Variants in RNF145 observed in about 807,000 individuals in gnomAD.
RNF145 encodes ring finger protein 145.
RNF145 carries 12 observed loss-of-function variants against 57.3 expected under a neutral mutation model. The ratio of observed to expected loss-of-function variants is 0.21; its 90% CI spans 0.13 to 0.34. RNF145 has a LOEUF of 0.34. Among genes scored for constraint, RNF145 ranks in the 10% least tolerant of loss-of-function variants. The pLI is 1.00. For synonymous variants in RNF145, 262 were observed against 288.3 expected (o/e 0.91, Z 0.92); for missense variants, 429 against 799.0 (o/e 0.54, Z 5.58).
chr5:159,170,125 G>A (rs756164289), intron 6 of RNF145, among the ~76,000 whole-genome samples: 3 of 152,246 alleles, frequency 2.0e-5, no homozygotes, highest in South Asian at 2.1e-4. Flanking sequence ...TATATAATTA[G>A]CATGCTGACA....
chr5:159,164,042 C>T (rs1012144700), intron 8 of RNF145, among the ~76,000 whole-genome samples: 1 of 152,164 alleles, frequency 6.6e-6, no homozygotes, highest in East Asian at 1.9e-4. Context: ...CAAAGAGACA[C>T]AAATAACATA....
rs527534427 is a variant in RNF145, at chr5:159,181,658, T to C, written c.385+302A>G. The stretch of plus-strand genomic sequence containing the variant: ...ATTTAAGATACTACGTGTTTCATTT[T>C]AATCTTTCAAAGTAATAATTAGCTC... On this transcript the variant is annotated intron_variant, in intron 4 of 10. Transcript: ENST00000424310. Among the ~76,000 whole-genome samples the C allele has an allele frequency of 5.2e-4, 79 of 152,240 alleles. 1 individual carries two copies. In the South Asian group the frequency reaches 0.011, roughly 21 times the overall value.
intron 1 of RNF145, among the ~76,000 whole-genome samples, chr5:159,208,560 G>T (rs1785985388): frequency 6.6e-6 from 1 of 152,264 alleles, no homozygotes; most frequent in Admixed American, 6.5e-5. Flanking sequence ...CTGACGGACG[G>T]GATGCAGAGC....
chr5:159,158,704 G>A lies in RNF145; in HGVS notation c.1958C>T (p.Ala653Val), dbSNP rs761123820. Residue 653 changes from alanine to valine, a missense_variant, in exon 11 of 11, where the codon GCG becomes GTG. By Grantham distance (64) the Ala-to-Val change is moderately conservative (BLOSUM62 0). Transcript: ENST00000424310. ...AFDPKEYPHS[A>V]KDEAHPVESA ...TTCAACAGGATGTGCTTCATCTTTC[G>A]CACTGTGAGGATATTCTTTGGGGTC... 6.4e-5 allele frequency: 104 copies of A among 1,613,732 alleles called. No individual in the cohort carries two copies. In the South Asian group the frequency reaches 9.0e-4, roughly 14 times the overall value.
intron 1 of RNF145, among the ~76,000 whole-genome samples, chr5:159,207,035 T>C (rs1785912939): frequency 6.6e-6 from 1 of 151,748 alleles, no homozygotes; most frequent in Non-Finnish European, 1.5e-5. Context: ...GAGACCTCAA[T>C]GAGTTCATTA....
rs1487299243 is a variant in RNF145 at position 159,209,537 on chromosome 5, C to A, written c.-346G>T. 8.6e-6 allele frequency: 7 copies of A among 810,212 alleles called. No individual in the cohort carries two copies. Among genetic ancestry groups the A allele is most frequent in the Admixed American group, 7.4e-5 (1 of 13,454 alleles). The allele number at this position is 810,212 out of a possible 1,614,324, so 50.2% of individuals were successfully genotyped here. On this transcript the variant is annotated 5_prime_UTR_variant, in exon 1 of 11. Transcript: ENST00000424310. ...CATGGCCTCCTGCGTTTGCTCCTCC[C>A]GCCCCCGGCGCTCTGCGGCGGCCGC... is the stretch of plus-strand genomic sequence containing the variant.
chr5:159,166,852 T>G (rs370552306), intron 8 of RNF145, among the ~76,000 whole-genome samples: 2 of 152,272 alleles, frequency 1.3e-5, no homozygotes, highest in East Asian at 3.9e-4. Flanking sequence ...CTGCCAAGTG[T>G]GGTGGTGTGC....
intron 10 of RNF145, among the ~76,000 whole-genome samples, chr5:159,160,925 G>A (rs1784194339): frequency 6.6e-6 from 1 of 152,136 alleles, no homozygotes; most frequent in Non-Finnish European, 1.5e-5. Flanking sequence ...CACTTTTCAG[G>A]AGTTGCTGAC....
chr5:159,171,295 C>G (rs1784546759), intron 6 of RNF145, among the ~76,000 whole-genome samples: 1 of 152,028 alleles, frequency 6.6e-6, no homozygotes, highest in Admixed American at 6.5e-5. Flanking sequence ...TGGCTGAAAA[C>G]CAACTAAAAT....
intron 3 of RNF145, among the ~76,000 whole-genome samples, chr5:159,191,101 A>C (rs970246312): frequency 3.8e-4 from 58 of 152,060 alleles, no homozygotes; most frequent in Non-Finnish European, 6.5e-4. Context: ...AAAAAGGCAA[A>C]AAATATCTCA....
chr5:159,163,341 A>G (rs1276362855), intron 8 of RNF145, among the ~76,000 whole-genome samples: 2 of 152,208 alleles, frequency 1.3e-5, no homozygotes, highest in Non-Finnish European at 2.9e-5. Context: ...TACTCCTAGC[A>G]ATTTCAAATT....
intron 8 of RNF145, among the ~76,000 whole-genome samples, chr5:159,166,341 A>T (rs1256495039): frequency 6.6e-6 from 1 of 152,246 alleles, no homozygotes; most frequent in Non-Finnish European, 1.5e-5. Flanking sequence ...TTTCTAACTT[A>T]AAAACTGCCA....
chr5:159,161,693 C>A (rs1784222480), intron 9 of RNF145, 71 bp from the exon 10 acceptor site: 1 of 862,398 alleles, frequency 1.2e-6, no homozygotes, highest in African/African-American at 1.7e-5. Context: ...AGGCTTTAAA[C>A]AATAACACAT....
chr5:159,187,893 G>C (rs902153263), intron 3 of RNF145, among the ~76,000 whole-genome samples: 1 of 152,164 alleles, frequency 6.6e-6, no homozygotes, highest in African/African-American at 2.4e-5. Flanking sequence ...ATGGAGAGCT[G>C]ATTATCCATA....
At chr5:159,193,446 T>C (rs1451960616) in intron 3 of RNF145, among the ~76,000 whole-genome samples, 2 of 152,144 alleles carry the variant, frequency 1.3e-5, no homozygotes, top group East Asian at 1.9e-4. Context: ...CCCTGGGACT[T>C]TGAGAAACAA....
chr5:159,183,854 A>G (rs1784974853), intron 3 of RNF145, among the ~76,000 whole-genome samples: 1 of 152,200 alleles, frequency 6.6e-6, no homozygotes, highest in African/African-American at 2.4e-5. Flanking sequence ...TAACGGCTTA[A>G]TGAGTACTGA....
At chr5:159,168,528 C>G (rs1031270492) in intron 8 of RNF145, among the ~76,000 whole-genome samples, 1 of 152,034 alleles carries the variant, frequency 6.6e-6, no homozygotes, top group African/African-American at 2.4e-5. Flanking sequence ...TTATTTGTTA[C>G]ATTTATTATG....
At position 159,159,839 on chromosome 5, in the gene RNF145, G is replaced by A. The variant is rs139509432; in HGVS notation, c.1627-804C>T. 3.1e-3 allele frequency among the ~76,000 whole-genome samples: 479 copies of A among 152,280 alleles called. 1 individual carries two copies. Among genetic ancestry groups the A allele is most frequent in the African/African-American group, 9.6e-3 (401 of 41,568 alleles). On this transcript the variant is annotated intron_variant, in intron 10 of 10. Coordinates refer to ENST00000424310, the MANE Select transcript of RNF145 (RefSeq NM_001199383.2). ...TAAAGTTATAAAGACATAACGTTTC[G>A]TGAATCAACCATTAATTTTGTTTCA...
chr5:159,168,290 T>C (rs868567816), intron 8 of RNF145, among the ~76,000 whole-genome samples: 1 of 152,182 alleles, frequency 6.6e-6, no homozygotes, highest in Admixed American at 6.5e-5. Context: ...TTTACTGTAA[T>C]GCAAGATGTA....
Sources: gnomAD v4.1 joint callset for allele counts (sites outside exome capture counted in the v4.1 genomes callset) on GRCh38, gnomAD v4.1.1 for gene constraint, MANE v1.5 for transcripts, NCBI Gene and HGNC (gene_info 2026-07-23, HGNC 2026-07-21) for gene names.